The following TJP1 variants were observed in gnomAD, a reference collection of about 807,000 sequenced individuals.
TJP1 encodes the protein tight junction protein 1.
TJP1 carries 43 observed loss-of-function variants against 194.2 expected under a neutral mutation model. The observed-to-expected ratio is 0.22, with a 90% CI of 0.17 to 0.29. TJP1 has a LOEUF of 0.29. TJP1 is among the 10% of genes least tolerant of loss of function. The pLI, the probability that TJP1 is intolerant of heterozygous loss-of-function variation, is 1.00. For synonymous variants in TJP1, 801 were observed against 779.0 expected (o/e 1.03, Z -0.47); for missense variants, 1,971 against 2,185.7 (o/e 0.90, Z 1.96).
intron 2 of TJP1, among the ~76,000 whole-genome samples, chr15:29,876,458 T>C (rs980453541): frequency 4.6e-5 from 7 of 152,008 alleles, no homozygotes; most frequent in Admixed American, 2.6e-4. Flanking sequence ...GAGTTGGAGG[T>C]TGCAGTGAGC....
chr15:29,832,324 G>A (rs1222075341), intron 2 of TJP1, among the ~76,000 whole-genome samples: 1 of 152,146 alleles, frequency 6.6e-6, no homozygotes, highest in Admixed American at 6.5e-5. Context: ...GTAGACATAT[G>A]AGTGAGGGAA....
intron 2 of TJP1, among the ~76,000 whole-genome samples, chr15:29,955,516 T>C (rs1450288407): frequency 6.6e-6 from 1 of 151,412 alleles, no homozygotes; most frequent in African/African-American, 2.4e-5. Context: ...ATTAATGTAA[T>C]CACTTAGAAT....
intron 27 of TJP1, 48 bp from the exon 28 acceptor site, chr15:29,701,737 A>C: frequency 7.1e-7 from 1 of 1,408,412 alleles, no homozygotes; most frequent in Non-Finnish European, 1.0e-6. Flanking sequence ...GTAAACTGCT[A>C]TCCGTAATGC....
exon 1 of TJP1, chr15:29,968,898 AC>A (rs2056424722): frequency 7.1e-6 from 2 of 283,194 alleles, no homozygotes. Context: ...CGCCCGCCGC[AC>A]CCGCAGCTGC....
chr15:29,714,406 T>A (rs2042425042), intron 23 of TJP1, among the ~76,000 whole-genome samples: 1 of 150,634 alleles, frequency 6.6e-6, no homozygotes, highest in Admixed American at 6.6e-5. Context: ...GCCCAGGTAA[T>A]TTTTTGTATT....
chr15:29,734,102 A>G (rs2043854101), intron 12 of TJP1, among the ~76,000 whole-genome samples, 172 bp downstream of exon 12: 1 of 152,182 alleles, frequency 6.6e-6, no homozygotes, highest in African/African-American at 2.4e-5. Context: ...AATGAGAATC[A>G]TCTGAAATTC....
chr15:29,939,836 T>C (rs1016362641), intron 2 of TJP1, among the ~76,000 whole-genome samples: 1 of 152,158 alleles, frequency 6.6e-6, no homozygotes, highest in African/African-American at 2.4e-5. Flanking sequence ...TACCAGGAAG[T>C]GGGCCTCCCC....
intron 23 of TJP1, among the ~76,000 whole-genome samples, chr15:29,715,916 G>GA (rs1252567630): frequency 1.3e-5 from 2 of 152,290 alleles, no homozygotes; most frequent in African/African-American, 4.8e-5. Context: ...ATTGAGGTAT[G>GA]AATCTACCTG....
intron 2 of TJP1, among the ~76,000 whole-genome samples, chr15:29,840,157 C>T (rs550196443): frequency 1.3e-5 from 2 of 152,164 alleles, no homozygotes; most frequent in South Asian, 2.1e-4. Context: ...GTTGAATATG[C>T]GATTTGCGAA....
At chr15:29,863,636 A>T (rs1242478915) in intron 2 of TJP1, among the ~76,000 whole-genome samples, 1 of 152,112 alleles carries the variant, frequency 6.6e-6, no homozygotes, top group Non-Finnish European at 1.5e-5. Flanking sequence ...TTCAGTTGCA[A>T]CCTACGCCTA....
intron 2 of TJP1, among the ~76,000 whole-genome samples, chr15:29,896,216 T>C (rs1052452286): frequency 2.6e-5 from 4 of 152,154 alleles, no homozygotes; most frequent in African/African-American, 9.7e-5. Context: ...GGAACCCCAG[T>C]GGGAGGTGAT....
intron 20 of TJP1, 142 bp from the exon 21 acceptor site, chr15:29,719,280 A>G: frequency 2.8e-6 from 3 of 1,086,792 alleles, no homozygotes; most frequent in Non-Finnish European, 3.8e-6. Context: ...AGACAAGATT[A>G]GTGGAAAAAG....
rs75644256 is a variant in TJP1, at chr15:29,715,079, A to G, written c.4202+1532T>C. Among the ~76,000 whole-genome samples, 22 of 152,340 alleles carry G rather than the reference A, an allele frequency of 1.4e-4. 1 individual carries two copies. In the East Asian group the frequency reaches 3.9e-3, roughly 27 times the overall value. On this transcript the variant is annotated intron_variant, in intron 23 of 27. Coordinates refer to ENST00000614355, the MANE Select transcript of TJP1 (RefSeq NM_001330239.4). The stretch of plus-strand genomic sequence containing the variant: ...TTAGATGTTACTGTGATAACTGTGT[A>G]AATGAATTCCTGTAACACTGTAAAT...
chr15:29,895,280 T>C (rs747884519), intron 2 of TJP1, among the ~76,000 whole-genome samples: 2 of 152,210 alleles, frequency 1.3e-5, no homozygotes, highest in African/African-American at 2.4e-5. Flanking sequence ...AATTCTGCTT[T>C]TAAATCATTA....
At chr15:29,749,993 C>G (rs2045144103) in intron 8 of TJP1, among the ~76,000 whole-genome samples, 1 of 151,484 alleles carries the variant, frequency 6.6e-6, no homozygotes, top group South Asian at 2.1e-4. Flanking sequence ...CAGGAGCATG[C>G]CACTGTGTCC....
chr15:29,782,617 TTCTGGACATAGGAACTG>T (rs1162644155), intron 2 of TJP1, among the ~76,000 whole-genome samples: 3 of 152,016 alleles, frequency 2.0e-5, no homozygotes, highest in Non-Finnish European at 4.4e-5. Context: ...GGCAATACCA[TTCTGGACATAGGAACTG>T]GCAAAGATTG....
At chr15:29,851,843 A>G (rs2051653926) in intron 2 of TJP1, among the ~76,000 whole-genome samples, 1 of 152,158 alleles carries the variant, frequency 6.6e-6, no homozygotes, top group Admixed American at 6.5e-5. Flanking sequence ...TATATGTCCA[A>G]CTCTTTTTTC....
chr15:29,721,753 A>G (rs2042941829), intron 18 of TJP1, among the ~76,000 whole-genome samples: 1 of 152,246 alleles, frequency 6.6e-6, no homozygotes, highest in African/African-American at 2.4e-5. Flanking sequence ...CCAAAATGCT[A>G]ATAGTGATAT....
chr15:29,766,683 A>G (rs930933202), intron 4 of TJP1, 141 bp from the exon 5 acceptor site: 2 of 748,520 alleles, frequency 2.7e-6, no homozygotes, highest in South Asian at 7.4e-5. Context: ...ACTACAACAA[A>G]TTTCTAAGGA....
Sources: gnomAD v4.1 joint callset for allele counts (sites outside exome capture counted in the v4.1 genomes callset) on GRCh38, gnomAD v4.1.1 for gene constraint, MANE v1.5 for transcripts, NCBI Gene and HGNC (gene_info 2026-07-23, HGNC 2026-07-21) for gene names.